Variants in GSDME observed in about 807,000 individuals in gnomAD.
GSDME encodes gasdermin E.
In GSDME, 44 loss-of-function variants were observed where a neutral mutation model predicts 47.5. That is an observed-to-expected ratio of 0.93 (90% CI 0.73 to 1.19). The LOEUF (loss-of-function observed/expected upper bound fraction) is 1.19, where lower values mean the gene tolerates loss of function less well. GSDME is among the 50% of genes most tolerant of loss of function. GSDME has a pLI of 0.00. For synonymous variants in GSDME, 258 were observed against 252.8 expected, an observed-to-expected ratio of 1.02 and a Z score of -0.20; for missense variants, 663 against 604.2, an observed-to-expected ratio of 1.10 and a Z score of -1.02.
chr7:24,702,605 GTA>G, intron 9 of GSDME, 153 bp downstream of exon 9: 1 of 663,950 alleles, frequency 1.5e-6, no homozygotes, highest in East Asian at 3.2e-5. Context: ...GGTGGGATGT[GTA>G]TAAAAGTGGG....
chr7:24,717,190 A>T, intron 5 of GSDME, 64 bp downstream of exon 5: 1 of 1,236,268 alleles, frequency 8.1e-7, no homozygotes. Context: ...GAAAGCAGTC[A>T]AGTCCCTCTG....
At chr7:24,749,435 G>C in intron 2 of GSDME, 129 bp downstream of exon 2, 1 of 787,706 alleles carries the variant, frequency 1.3e-6, no homozygotes, top group South Asian at 1.6e-5. Context: ...CTGGGAGGCA[G>C]AGGTTGCAAT....
At chr7:24,699,476 G>A (rs1194523502) in intron 9 of GSDME, among the ~76,000 whole-genome samples, 1 of 152,038 alleles carries the variant, frequency 6.6e-6, no homozygotes, top group Non-Finnish European at 1.5e-5. Context: ...CCGAGTAGCT[G>A]GTACAGGTGT....
chr7:24,740,257 T>G (rs1790444943), intron 3 of GSDME, among the ~76,000 whole-genome samples: 1 of 151,808 alleles, frequency 6.6e-6, no homozygotes, highest in Non-Finnish European at 1.5e-5. Flanking sequence ...AGATAGAAAG[T>G]AGAGGGATGG....
intron 9 of GSDME, among the ~76,000 whole-genome samples, chr7:24,700,869 G>A (rs1233008564): frequency 6.6e-6 from 1 of 152,164 alleles, no homozygotes; most frequent in African/African-American, 2.4e-5. Flanking sequence ...ACCACCTGGT[G>A]GATGAGAGCT....
At position 24,721,607 on chromosome 7, in the gene GSDME, CAG is replaced by C. The variant is rs1254759256; in HGVS notation, c.405-2391_405-2390del. Among the ~76,000 whole-genome samples, 4 of 152,338 alleles carry C rather than the reference CAG, an allele frequency of 2.6e-5. No individual in the cohort carries two copies. The highest frequency in any genetic ancestry group is 3.4e-3 in the Middle Eastern group (1 of 294). ...GTGAGCCATTAGGGTGTGCCGAGCA[CAG>C]AGTTAAATGCCACACAAACACTAGC... is the stretch of plus-strand genomic sequence containing the variant. On this transcript the variant is annotated intron_variant, in intron 3 of 9. Coordinates refer to ENST00000645220, the MANE Select transcript of GSDME (RefSeq NM_001127453.2). The surrounding 1 kb of genome is among the most constrained non-coding windows in gnomAD (Gnocchi z 4.1).
In GSDME at chr7:24,757,191, C is replaced by T. The variant is rs1231530211; in HGVS notation, c.-20+205G>A. Among the ~76,000 whole-genome samples, 1 of 151,756 alleles carries T rather than the reference C, an allele frequency of 6.6e-6. No individual in the cohort carries two copies. Among genetic ancestry groups the T allele is most frequent in the Non-Finnish European group, 1.5e-5 (1 of 67,858 alleles). On this transcript the variant is annotated intron_variant, in intron 1 of 9. Transcript: ENST00000645220. The surrounding 1 kb of genome is among the most constrained non-coding windows in gnomAD (Gnocchi z 5.9). Reference sequence around the variant, plus strand: ...GGGACCGGGCCGGGAATGCGGGAGGCGAGGGGAGCGACGGGACCTGCCGTT... The same window carrying T: ...GGGACCGGGCCGGGAATGCGGGAGGTGAGGGGAGCGACGGGACCTGCCGTT...
In GSDME at chr7:24,708,272, A is replaced by G. The variant is rs745825667; in HGVS notation, c.863-18T>C. On this transcript the variant is annotated intron_variant, in intron 6 of 9. Transcript: ENST00000645220. The stretch of plus-strand genomic sequence containing the variant: ...CAGGGTCGCTGTGAAAACAAAGCAC[A>G]CCCAAGTCTCATGACTGCGATGCAC... The G allele has an allele frequency of 6.2e-7, 1 of 1,613,676 alleles. No individual in the cohort carries two copies. The highest frequency in any genetic ancestry group is 8.5e-7 in the Non-Finnish European group (1 of 1,179,980).
chr7:24,780,737 A>T, the GSDME span, among the ~76,000 whole-genome samples: 2 of 152,102 alleles, frequency 1.3e-5, no homozygotes, highest in Non-Finnish European at 2.9e-5. This position sits in a 1 kb window ranked among gnomAD's most constrained non-coding sequence, Gnocchi z 4.1. Flanking sequence ...GAGAGCATGA[A>T]CTCCGCAAGC....
the GSDME span, among the ~76,000 whole-genome samples, chr7:24,793,526 G>C: frequency 6.6e-6 from 1 of 152,060 alleles, no homozygotes; most frequent in Non-Finnish European, 1.5e-5. Context: ...TACACACTTT[G>C]CATATAAACT....
intron 3 of GSDME, 132 bp from the exon 4 acceptor site, chr7:24,719,350 G>C: frequency 3.0e-6 from 3 of 990,020 alleles, no homozygotes; most frequent in Non-Finnish European, 4.6e-6. Context: ...TCCTCATGAT[G>C]AAAGGGGTGG....
rs1386737967 is a variant in GSDME, at chr7:24,705,036, G to C, written c.1183+1148C>G. The C allele has an allele frequency of 6.6e-6, 1 of 152,222 alleles. No homozygotes were observed. Among genetic ancestry groups the C allele is most frequent in the Non-Finnish European group, 1.5e-5 (1 of 68,080 alleles). The allele number at this position is 152,222 out of a possible 1,614,324, so 9.4% of individuals were successfully genotyped here. A position where few individuals can be genotyped will look rare whatever the true frequency, so the allele number is the denominator to read the frequency against. Reference sequence around the variant, plus strand: ...GTCTAGGCTCAAGTAGAAGGGGACTGTGGTGCTTTCATGATGCTGGCCCTG... The same window carrying C: ...GTCTAGGCTCAAGTAGAAGGGGACTCTGGTGCTTTCATGATGCTGGCCCTG... On this transcript the variant is annotated intron_variant, in intron 8 of 9. Transcript: ENST00000645220. This position sits in a 1 kb window ranked among gnomAD's most constrained non-coding sequence, Gnocchi z 4.1.
intron 1 of GSDME, among the ~76,000 whole-genome samples, chr7:24,755,397 CGAG>C (rs990211775): frequency 3.3e-5 from 5 of 152,136 alleles, no homozygotes; most frequent in Non-Finnish European, 7.3e-5. Flanking sequence ...TCATTTTTGA[CGAG>C]ATTTACGAGG....
intron 1 of GSDME, among the ~76,000 whole-genome samples, chr7:24,750,226 C>T (rs1027847106): frequency 6.6e-6 from 1 of 152,168 alleles, no homozygotes; most frequent in Non-Finnish European, 1.5e-5. Flanking sequence ...AATGATCTGG[C>T]CCCAAAGTGA....
the GSDME span, among the ~76,000 whole-genome samples, chr7:24,778,726 T>C: frequency 6.6e-6 from 1 of 152,082 alleles, no homozygotes; most frequent in African/African-American, 2.4e-5. The surrounding 1 kb of genome is among the most constrained non-coding windows in gnomAD (Gnocchi z 5.6). Context: ...CCTCTTTCAT[T>C]TTAAAGGGCC....
chr7:24,790,506 C>T, the GSDME span, among the ~76,000 whole-genome samples: 1 of 152,170 alleles, frequency 6.6e-6, no homozygotes, highest in Admixed American at 6.5e-5. This position sits in a 1 kb window ranked among gnomAD's most constrained non-coding sequence, Gnocchi z 4.1. Context: ...GCCAATAACA[C>T]AACTACCTGC....
At chr7:24,699,716 C>G (rs1169815437) in intron 9 of GSDME, among the ~76,000 whole-genome samples, 1 of 152,174 alleles carries the variant, frequency 6.6e-6, no homozygotes, top group Non-Finnish European at 1.5e-5. Flanking sequence ...TTGATCCAGG[C>G]CAGGACCTCA....
intron 5 of GSDME, among the ~76,000 whole-genome samples, chr7:24,713,988 G>T (rs1451785062): frequency 6.6e-6 from 1 of 152,240 alleles, no homozygotes; most frequent in Admixed American, 6.5e-5. Context: ...CAGGGAGATG[G>T]TGTTAGGGCC....
intron 3 of GSDME, among the ~76,000 whole-genome samples, chr7:24,719,720 G>A (rs1374533236): frequency 1.3e-5 from 2 of 152,044 alleles, no homozygotes; most frequent in Non-Finnish European, 2.9e-5. Flanking sequence ...TTGAACCTGG[G>A]AGGCGGAATT....
Sources: allele counts gnomAD v4.1 joint callset (sites outside exome capture counted in the v4.1 genomes callset), GRCh38; gene constraint gnomAD v4.1.1; non-coding constraint Gnocchi (gnomAD v3.1); transcripts MANE v1.5; gene names NCBI Gene and HGNC (gene_info 2026-07-23, HGNC 2026-07-21).